WWOX: variants seen among roughly 807,000 people sequenced by gnomAD.
WWOX encodes WW domain-containing oxidoreductase.
WWOX carries 69 observed loss-of-function variants against 46.2 expected under a neutral mutation model. The observed-to-expected ratio is 1.49, with a 90% CI of 1.23 to 1.82. WWOX has a LOEUF of 1.82. Among genes scored for constraint, WWOX ranks in the 40% most tolerant of loss-of-function variants. The pLI is 0.00. For missense variants in WWOX, 919 were observed against 542.6 expected, an observed-to-expected ratio of 1.69 and a Z score of -6.89; for synonymous variants, 359 against 202.6, an observed-to-expected ratio of 1.77 and a Z score of -6.56.
rs117470047 is a variant in WWOX, at chr16:78,298,921, G to A, written c.517-87939G>A. On this transcript the variant is annotated intron_variant, in intron 5 of 8. Transcript: ENST00000566780. ...AACTGTTAGCTCTCTTATTGCTACC[G>A]GACAAGTGTTCTTATTTTCCCTTTT... Among the ~76,000 whole-genome samples, 197 of 151,922 alleles carry A rather than the reference G, an allele frequency of 1.3e-3. 3 individuals are homozygous for A. The highest frequency in any genetic ancestry group is 6.3e-4 in the Non-Finnish European group (43 of 67,934).
intron 8 of WWOX, among the ~76,000 whole-genome samples, chr16:78,456,750 A>C (rs950477441): frequency 2.0e-5 from 3 of 152,262 alleles, no homozygotes; most frequent in Non-Finnish European, 4.4e-5. Context: ...TCAGTTTCAT[A>C]ATATGTGTAA....
At chr16:78,983,870 C>CT (rs760130115) in intron 8 of WWOX, among the ~76,000 whole-genome samples, 939 of 79,818 alleles carry the variant, frequency 0.012, 91 homozygotes, top group African/African-American at 0.04. Context: ...GAGAGCTATT[C>CT]TTTTTTTTTT....
chr16:78,617,763 G>C (rs1427799200), intron 8 of WWOX, among the ~76,000 whole-genome samples: 1 of 152,112 alleles, frequency 6.6e-6, no homozygotes, highest in African/African-American at 2.4e-5. Context: ...GGCATCTCAC[G>C]CATTGGCCCT....
chr16:78,824,005 C>G (rs543124218), intron 8 of WWOX, among the ~76,000 whole-genome samples: 68 of 152,122 alleles, frequency 4.5e-4, no homozygotes, highest in Admixed American at 2.5e-3. Context: ...AACTTCTGGC[C>G]TCAAAGCAAT....
At chr16:79,001,270 C>G (rs567227191) in intron 8 of WWOX, among the ~76,000 whole-genome samples, 1 of 152,010 alleles carries the variant, frequency 6.6e-6, no homozygotes, top group Admixed American at 6.5e-5. Flanking sequence ...ACAAAGGCCT[C>G]CCCGCCCCCC....
At chr16:78,554,284 C>G (rs796139953) in intron 8 of WWOX, among the ~76,000 whole-genome samples, 12 of 152,096 alleles carry the variant, frequency 7.9e-5, no homozygotes, top group African/African-American at 2.9e-4. Context: ...GGTATAAGCC[C>G]CGTAGTAATA....
intron 8 of WWOX, among the ~76,000 whole-genome samples, chr16:78,685,211 G>T (rs995924552): frequency 3.3e-5 from 5 of 152,146 alleles, no homozygotes; most frequent in South Asian, 2.1e-4. Context: ...TCCACCCTCA[G>T]CCAGGGCAGG....
chr16:78,818,748 C>T (rs1192300362), intron 8 of WWOX, among the ~76,000 whole-genome samples: 3 of 152,194 alleles, frequency 2.0e-5, no homozygotes, highest in Non-Finnish European at 4.4e-5. Context: ...GCTTGCCAGT[C>T]AAGTCATTAA....
At chr16:79,190,719 G>GTTTGT (rs140586194) in intron 8 of WWOX, among the ~76,000 whole-genome samples, 1,815 of 152,300 alleles carry the variant, frequency 0.012, 42 homozygotes, top group African/African-American at 0.041. Context: ...CCTGCCTGCT[G>GTTTGT]TTTGTTTTTG....
intron 5 of WWOX, among the ~76,000 whole-genome samples, chr16:78,222,062 C>T (rs541010977): frequency 6.6e-6 from 1 of 152,228 alleles, no homozygotes; most frequent in Admixed American, 6.5e-5. Flanking sequence ...CTGTGGAATT[C>T]GCCTCAGATG....
intron 5 of WWOX, among the ~76,000 whole-genome samples, chr16:78,259,839 A>G (rs956599738): frequency 6.6e-6 from 1 of 151,380 alleles, no homozygotes; most frequent in South Asian, 2.1e-4. Flanking sequence ...TTAAAGATAT[A>G]TCCACAAATT....
intron 8 of WWOX, among the ~76,000 whole-genome samples, chr16:78,437,339 A>C (rs374758793): frequency 1.3e-5 from 2 of 152,338 alleles, no homozygotes; most frequent in South Asian, 2.1e-4. Context: ...GTTGCAGATC[A>C]GTAATTTTAC....
intron 8 of WWOX, among the ~76,000 whole-genome samples, chr16:79,072,222 G>T (rs1013178822): frequency 6.6e-6 from 1 of 152,138 alleles, no homozygotes; most frequent in African/African-American, 2.4e-5. Context: ...GGGGGTTGAG[G>T]CTGCAGTGAG....
intron 8 of WWOX, among the ~76,000 whole-genome samples, chr16:78,923,485 C>T (rs150201386): frequency 2.0e-5 from 3 of 151,946 alleles, no homozygotes; most frequent in South Asian, 4.1e-4. Context: ...TTTGTTCTTT[C>T]TTGGGATTGG....
intron 8 of WWOX, among the ~76,000 whole-genome samples, chr16:78,601,754 C>G (rs527608409): frequency 6.6e-6 from 1 of 152,086 alleles, no homozygotes; most frequent in Non-Finnish European, 1.5e-5. Context: ...GTTAGGGAGA[C>G]AGTAATGGTA....
intron 8 of WWOX, among the ~76,000 whole-genome samples, chr16:79,001,663 G>C (rs943792293): frequency 6.6e-6 from 1 of 151,798 alleles, no homozygotes; most frequent in African/African-American, 2.4e-5. Context: ...AAAAGGAGCT[G>C]GTGGCAGGGG....
At chr16:78,961,380 T>G (rs1420851511) in intron 8 of WWOX, among the ~76,000 whole-genome samples, 1 of 152,292 alleles carries the variant, frequency 6.6e-6, no homozygotes, top group East Asian at 1.9e-4. Context: ...TCAAGGAGGT[T>G]GCAGTTTGTG....
At chr16:78,998,109 C>G (rs1390931637) in intron 8 of WWOX, among the ~76,000 whole-genome samples, 1 of 152,126 alleles carries the variant, frequency 6.6e-6, no homozygotes, top group Non-Finnish European at 1.5e-5. Flanking sequence ...CTCCTGACCT[C>G]AGGTGATCCC....
chr16:78,674,145 T>C (rs1374286085), intron 8 of WWOX, among the ~76,000 whole-genome samples: 1 of 152,120 alleles, frequency 6.6e-6, no homozygotes, highest in Non-Finnish European at 1.5e-5. Flanking sequence ...ATCCAACAGC[T>C]CTCTTTCCTT....
Sources: allele counts gnomAD v4.1 joint callset (sites outside exome capture counted in the v4.1 genomes callset), GRCh38; gene constraint gnomAD v4.1.1; transcripts MANE v1.5; gene names NCBI Gene and HGNC (gene_info 2026-07-23, HGNC 2026-07-21).